Variants in DIAPH2 observed in about 807,000 individuals in gnomAD.
The protein encoded by DIAPH2 is diaphanous related formin 2.
In DIAPH2, 35 loss-of-function variants were observed where a neutral mutation model predicts 92.7. The observed-to-expected ratio is 0.38, with a 90% confidence interval of 0.29 to 0.50. DIAPH2 has a LOEUF of 0.50. DIAPH2 is among the 20% of genes least tolerant of loss of function. The pLI, the probability that DIAPH2 is intolerant of heterozygous loss-of-function variation, is 0.94. For missense variants in DIAPH2, 701 were observed against 819.5 expected, an observed-to-expected ratio of 0.86 and a Z score of 1.77; for synonymous variants, 301 against 280.4, an observed-to-expected ratio of 1.07 and a Z score of -0.73.
intron 10 of DIAPH2, among the ~76,000 whole-genome samples, chrX:96,934,986 G>A (rs1336020254): frequency 9.0e-6 from 1 of 111,700 alleles, no homozygotes; most frequent in African/African-American, 3.2e-5. Context: ...CTGTTAATCA[G>A]CAGTGTACTG....
chrX:97,463,593 G>T lies in DIAPH2; in HGVS notation c.3241+33848G>T, dbSNP rs374636174. Reference sequence around the variant, plus strand: ...TTTAGTAGAGACAGGGTTTCACCATGTTGGCCAGGCTGATCTTGAACTCCT... The same window carrying T: ...TTTAGTAGAGACAGGGTTTCACCATTTTGGCCAGGCTGATCTTGAACTCCT... On this transcript the variant is annotated intron_variant, in intron 26 of 26. Transcript: ENST00000324765. Among the ~76,000 whole-genome samples the T allele has an allele frequency of 8.2e-5, 9 of 110,058 alleles. 1 individual carries two copies. In the East Asian group the frequency reaches 1.7e-3, roughly 21 times the overall value.
At chrX:96,763,297 G>T (rs1350841539) in intron 4 of DIAPH2, among the ~76,000 whole-genome samples, 1 of 111,278 alleles carries the variant, frequency 9.0e-6, no homozygotes, top group African/African-American at 3.3e-5. Flanking sequence ...TTTTTCTGTG[G>T]TTTTTGGGAG....
At chrX:96,785,019 A>G (rs2064444988) in intron 4 of DIAPH2, among the ~76,000 whole-genome samples, 1 of 112,187 alleles carries the variant, frequency 8.9e-6, no homozygotes, top group African/African-American at 3.2e-5. Context: ...TTATAAAATG[A>G]GATGACAAAA....
chrX:97,418,551 TGCTCTGGAA>T (rs2069973341), intron 25 of DIAPH2, among the ~76,000 whole-genome samples: 1 of 112,157 alleles, frequency 8.9e-6, no homozygotes, highest in Non-Finnish European at 1.9e-5. Context: ...CTCCTGATGG[TGCTCTGGAA>T]GCCAAAATGA....
intron 26 of DIAPH2, among the ~76,000 whole-genome samples, chrX:97,589,026 T>TATATATATATAA (rs1186044758): frequency 1.2e-5 from 1 of 84,913 alleles, no homozygotes; most frequent in African/African-American, 4.0e-5. Context: ...TATATATATA[T>TATATATATATAA]AAAAGAATCA....
intron 26 of DIAPH2, among the ~76,000 whole-genome samples, chrX:97,583,126 C>T (rs2071451992): frequency 1.8e-5 from 2 of 111,548 alleles, no homozygotes; most frequent in African/African-American, 3.3e-5. Context: ...TGAATATCCT[C>T]CCGTAGCTCA....
intron 22 of DIAPH2, among the ~76,000 whole-genome samples, chrX:97,241,330 G>A (rs768921253): frequency 3.4e-4 from 36 of 107,027 alleles, no homozygotes; most frequent in Admixed American, 2.0e-4. Context: ...ACGGAGTCTC[G>A]CTCTGTCGCC....
In DIAPH2 at chrX:97,091,961, C is replaced by A. The variant is rs182472052; in HGVS notation, c.2248-7733C>A. ...AGCCCCTTATCTCCAATCCCAGAGT[C>A]AAGGCAAAACCAGACACAATTCTTT... On this transcript the variant is annotated intron_variant, in intron 19 of 26. Transcript: ENST00000324765. Among the ~76,000 whole-genome samples the A allele has an allele frequency of 9.8e-5, 11 of 111,804 alleles. No homozygotes were observed. In the East Asian group the frequency reaches 2.8e-3, roughly 29 times the overall value.
At chrX:97,054,224 A>G (rs774856052) in intron 17 of DIAPH2, among the ~76,000 whole-genome samples, 12 of 112,343 alleles carry the variant, frequency 1.1e-4, no homozygotes, top group Admixed American at 3.8e-4. Flanking sequence ...TTAGGATACA[A>G]TTTAGTTTCT....
intron 26 of DIAPH2, among the ~76,000 whole-genome samples, chrX:97,579,375 C>G (rs1288461649): frequency 2.8e-4 from 31 of 110,439 alleles, no homozygotes; most frequent in Non-Finnish European, 5.1e-4. Flanking sequence ...GATCCAGTTT[C>G]AGCTTTCTAC....
intron 4 of DIAPH2, among the ~76,000 whole-genome samples, chrX:96,861,728 T>A (rs1370804439): frequency 1.8e-5 from 2 of 112,272 alleles, no homozygotes; most frequent in Non-Finnish European, 3.8e-5. Flanking sequence ...TTCACCAGCA[T>A]CTGCTCCCCA....
chrX:97,462,341 C>G (rs2070466855), intron 26 of DIAPH2, among the ~76,000 whole-genome samples: 1 of 112,172 alleles, frequency 8.9e-6, no homozygotes, highest in South Asian at 3.7e-4. Flanking sequence ...TAACCCCTTA[C>G]AAACATTTGT....
At chrX:97,193,432 GTTAAT>G (rs1484713918) in intron 22 of DIAPH2, among the ~76,000 whole-genome samples, 1 of 111,817 alleles carries the variant, frequency 8.9e-6, no homozygotes, top group Admixed American at 9.5e-5. Context: ...TCATTATGCA[GTTAAT>G]TTAGTTTCTC....
At chrX:96,900,316 A>G (rs1247036043) in intron 5 of DIAPH2, among the ~76,000 whole-genome samples, 1 of 110,712 alleles carries the variant, frequency 9.0e-6, no homozygotes, top group East Asian at 2.8e-4. Flanking sequence ...GTGTACATTG[A>G]TTTTGTAACC....
intron 22 of DIAPH2, among the ~76,000 whole-genome samples, chrX:97,144,319 G>A (rs746440144): frequency 9.0e-6 from 1 of 111,375 alleles, no homozygotes; most frequent in East Asian, 2.8e-4. Context: ...GCAAGACCCT[G>A]TCTCTTAAAA....
intron 2 of DIAPH2, among the ~76,000 whole-genome samples, chrX:96,736,471 A>G (rs765897940): frequency 3.1e-4 from 34 of 111,102 alleles, no homozygotes; most frequent in African/African-American, 8.2e-4. Flanking sequence ...GCTCACTGCA[A>G]CCTCGCCTCA....
At chrX:97,360,431 G>A (rs2069313043) in intron 24 of DIAPH2, among the ~76,000 whole-genome samples, 1 of 98,366 alleles carries the variant, frequency 1.0e-5, no homozygotes, top group African/African-American at 3.7e-5. Flanking sequence ...GGCCAACATG[G>A]TGAAACCCCG....
At chrX:97,478,687 A>G (rs1464772445) in intron 26 of DIAPH2, among the ~76,000 whole-genome samples, 1 of 112,185 alleles carries the variant, frequency 8.9e-6, no homozygotes, top group Non-Finnish European at 1.9e-5. Context: ...GCCTATCCCC[A>G]TATTAGGCAA....
intron 22 of DIAPH2, among the ~76,000 whole-genome samples, chrX:97,209,584 C>A (rs1019948823): frequency 2.7e-5 from 3 of 110,848 alleles, no homozygotes; most frequent in Non-Finnish European, 5.7e-5. Flanking sequence ...AAATTTTAAC[C>A]CTTTATGTAG....
Sources: gnomAD v4.1 joint callset for allele counts (sites outside exome capture counted in the v4.1 genomes callset) on GRCh38, gnomAD v4.1.1 for gene constraint, MANE v1.5 for transcripts, NCBI Gene and HGNC (gene_info 2026-07-23, HGNC 2026-07-21) for gene names.